Variants in SLC4A10 observed in about 807,000 individuals in gnomAD.
SLC4A10 encodes solute carrier family 4 member 10.
A neutral mutation model predicts 137.7 loss-of-function variants in SLC4A10; 42 were observed. The ratio of observed to expected loss-of-function variants is 0.30; its 90% CI spans 0.24 to 0.39. The LOEUF (loss-of-function observed/expected upper bound fraction) is 0.39. SLC4A10 is among the 10% of genes least tolerant of loss of function. The pLI, the probability that SLC4A10 is intolerant of heterozygous loss-of-function variation, is 1.00. For missense variants in SLC4A10, 925 were observed against 1,355.0 expected (o/e 0.68, Z 4.98); for synonymous variants, 474 against 464.1 (o/e 1.02, Z -0.27).
chr2:161,816,727 G>T (rs1305056345), intron 3 of SLC4A10, among the ~76,000 whole-genome samples: 5 of 149,470 alleles, frequency 3.3e-5, no homozygotes, highest in Non-Finnish European at 7.4e-5. Flanking sequence ...ACAACATGCG[G>T]TGTTTGGTTT....
intron 17 of SLC4A10, 64 bp downstream of exon 17, chr2:161,947,791 G>T: frequency 6.6e-7 from 1 of 1,525,174 alleles, no homozygotes. Context: ...AGTAATTGAT[G>T]TAATAAAAGG....
At chr2:161,969,294 G>A (rs562437388) in intron 23 of SLC4A10, among the ~76,000 whole-genome samples, 5 of 152,260 alleles carry the variant, frequency 3.3e-5, no homozygotes, top group East Asian at 1.9e-4. Flanking sequence ...GTCCAAGGTC[G>A]CAGAGCTTCT....
intron 12 of SLC4A10, among the ~76,000 whole-genome samples, chr2:161,903,193 A>T (rs1359064304): frequency 1.3e-5 from 2 of 152,200 alleles, no homozygotes; most frequent in Admixed American, 1.3e-4. Flanking sequence ...TTCCCCCAAA[A>T]TAATTATCTT....
chr2:161,877,450 G>A (rs2061506938), intron 8 of SLC4A10, among the ~76,000 whole-genome samples: 1 of 151,924 alleles, frequency 6.6e-6, no homozygotes, highest in South Asian at 2.1e-4. Context: ...AGAGCTGATA[G>A]TATATGGGAA....
At chr2:161,733,979 A>G (rs11903617) in intron 1 of SLC4A10, among the ~76,000 whole-genome samples, 5,634 of 152,292 alleles carry the variant, frequency 0.037, 142 homozygotes, top group African/African-American at 0.06. Flanking sequence ...CCCATTTGGA[A>G]CAGCTGTATT....
intron 3 of SLC4A10, among the ~76,000 whole-genome samples, chr2:161,814,390 A>G (rs1280754757): frequency 6.6e-6 from 1 of 152,100 alleles, no homozygotes; most frequent in Admixed American, 6.6e-5. Context: ...AGAACTTAAA[A>G]CAGAACAACT....
chr2:161,628,980 C>T (rs1257771271), intron 1 of SLC4A10, among the ~76,000 whole-genome samples: 1 of 151,986 alleles, frequency 6.6e-6, no homozygotes, highest in Non-Finnish European at 1.5e-5. Flanking sequence ...TACAATGATA[C>T]TTCCAATATA....
intron 1 of SLC4A10, among the ~76,000 whole-genome samples, chr2:161,763,599 T>C (rs1363083293): frequency 6.6e-6 from 1 of 152,012 alleles, no homozygotes; most frequent in African/African-American, 2.4e-5. Context: ...GCTATAGCTA[T>C]AAAGGAGTCA....
At chr2:161,631,421 C>A (rs904826222) in intron 1 of SLC4A10, among the ~76,000 whole-genome samples, 4 of 151,516 alleles carry the variant, frequency 2.6e-5, no homozygotes, top group Admixed American at 2.0e-4. Flanking sequence ...AAGAAGAGGG[C>A]AAATAAAATA....
chr2:161,793,192 T>G (rs558894817), intron 2 of SLC4A10, among the ~76,000 whole-genome samples: 78 of 152,316 alleles, frequency 5.1e-4, no homozygotes, highest in African/African-American at 1.8e-3. Context: ...ATGTATTTAT[T>G]ATGTACAACA....
chr2:161,892,181 A>G (rs2062993767), intron 10 of SLC4A10, among the ~76,000 whole-genome samples: 1 of 152,122 alleles, frequency 6.6e-6, no homozygotes, highest in Non-Finnish European at 1.5e-5. Flanking sequence ...TTGGACATTC[A>G]TCTACCTAAA....
intron 26 of SLC4A10, among the ~76,000 whole-genome samples, chr2:161,979,867 T>C (rs1699970791): frequency 6.6e-6 from 1 of 152,208 alleles, no homozygotes; most frequent in Non-Finnish European, 1.5e-5. Flanking sequence ...AAACCCTTTT[T>C]TCATGGAATT....
chr2:161,790,821 A>T (rs946078108), intron 2 of SLC4A10, among the ~76,000 whole-genome samples: 2 of 152,186 alleles, frequency 1.3e-5, no homozygotes, highest in African/African-American at 4.8e-5. Context: ...ACACGAACAG[A>T]CACTTCTCAA....
chr2:161,891,441 G>A (rs1462548632), intron 10 of SLC4A10, among the ~76,000 whole-genome samples: 2 of 152,032 alleles, frequency 1.3e-5, no homozygotes, highest in Non-Finnish European at 2.9e-5. Context: ...CCAATCAAAC[G>A]TAGGTTTGGT....
intron 15 of SLC4A10, 71 bp downstream of exon 15, chr2:161,905,958 T>C (rs1264151731): frequency 3.3e-6 from 5 of 1,503,256 alleles, no homozygotes; most frequent in Non-Finnish European, 4.4e-6. Context: ...ACAAGAAATA[T>C]GAGGAAATTA....
intron 1 of SLC4A10, among the ~76,000 whole-genome samples, chr2:161,721,266 C>T (rs1168149580): frequency 6.6e-6 from 1 of 152,134 alleles, no homozygotes; most frequent in African/African-American, 2.4e-5. Context: ...AGTGTAGTTG[C>T]TTCATAGAGT....
chr2:161,813,756 A>G (rs2056778625), intron 3 of SLC4A10, among the ~76,000 whole-genome samples: 1 of 152,134 alleles, frequency 6.6e-6, no homozygotes, highest in African/African-American at 2.4e-5. Flanking sequence ...AGCTGTATTT[A>G]TCATTTGTTT....
chr2:161,917,503 G>A (rs1042070487), intron 15 of SLC4A10, among the ~76,000 whole-genome samples: 1 of 151,606 alleles, frequency 6.6e-6, no homozygotes, highest in Non-Finnish European at 1.5e-5. Flanking sequence ...GAACCCCTGA[G>A]GTGGAGGCTG....
intron 19 of SLC4A10, among the ~76,000 whole-genome samples, chr2:161,952,763 C>G (rs1455887980): frequency 6.6e-6 from 1 of 152,120 alleles, no homozygotes; most frequent in African/African-American, 2.4e-5. Flanking sequence ...ACATTGAACC[C>G]CTATTGGGCC....
Sources: allele counts gnomAD v4.1 joint callset (sites outside exome capture counted in the v4.1 genomes callset), GRCh38; gene constraint gnomAD v4.1.1; transcripts MANE v1.5; gene names NCBI Gene and HGNC (gene_info 2026-07-23, HGNC 2026-07-21).